ADAMTSL3: variants seen among roughly 807,000 people sequenced by gnomAD.
ADAMTSL3 encodes ADAMTS-like protein 3.
In ADAMTSL3, 128 loss-of-function variants were observed where a neutral mutation model predicts 201.7. That is an observed-to-expected ratio of 0.63 (90% confidence interval 0.55 to 0.73). The LOEUF is 0.73. Among genes scored for constraint, ADAMTSL3 ranks in the 30% least tolerant of loss-of-function variants. The pLI is 0.00. For missense variants in ADAMTSL3, 1,990 were observed against 2,119.6 expected, an observed-to-expected ratio of 0.94 and a Z score of 1.20; for synonymous variants, 738 against 748.4, an observed-to-expected ratio of 0.99 and a Z score of 0.23.
intron 3 of ADAMTSL3, among the ~76,000 whole-genome samples, chr15:83,771,213 G>C (rs2062978012): frequency 7.1e-6 from 1 of 141,024 alleles, no homozygotes. Context: ...GTTTATTGCT[G>C]TGCCAATTCT....
intron 23 of ADAMTSL3, among the ~76,000 whole-genome samples, chr15:84,011,604 A>G (rs901555822): frequency 1.3e-5 from 2 of 152,230 alleles, no homozygotes; most frequent in Non-Finnish European, 2.9e-5. Flanking sequence ...ACACTAATAC[A>G]ATAAGACAAG....
At chr15:83,978,556 C>T (rs881983) in intron 20 of ADAMTSL3, among the ~76,000 whole-genome samples, 25,162 of 152,142 alleles carry the variant, frequency 0.17, 2,723 homozygotes, top group Middle Eastern at 0.35. Flanking sequence ...AGGAAGGTCA[C>T]CCCAAACCAG....
rs186971181 is a variant in ADAMTSL3, at chr15:83,780,265, C to G, written c.317+6615C>G. 2.0e-3 allele frequency among the ~76,000 whole-genome samples: 297 copies of G among 152,076 alleles called. 1 individual carries two copies. The highest frequency in any genetic ancestry group is 6.9e-3 in the African/African-American group (285 of 41,478). ...TCTCTATTAAAAATACAAAAATTAG[C>G]TGGGCATGGTGGCGGGCACCTGTAA... On this transcript the variant is annotated intron_variant, in intron 4 of 29. Coordinates refer to ENST00000286744, the MANE Select transcript of ADAMTSL3 (RefSeq NM_207517.3).
chr15:84,027,033 A>C (rs12905265), intron 27 of ADAMTSL3, among the ~76,000 whole-genome samples: 126,918 of 152,220 alleles, frequency 0.83, 53,258 homozygotes, highest in East Asian at 0.96. Flanking sequence ...CAAAAAGGAG[A>C]TTATCTCTAA....
chr15:84,014,983 G>A (rs563032181), intron 24 of ADAMTSL3, among the ~76,000 whole-genome samples: 13 of 151,388 alleles, frequency 8.6e-5, no homozygotes, highest in African/African-American at 1.9e-4. Context: ...GTCTTGCTCC[G>A]TCACCAGGCT....
chr15:83,806,487 A>G (rs912654502), intron 5 of ADAMTSL3, among the ~76,000 whole-genome samples: 5 of 152,242 alleles, frequency 3.3e-5, no homozygotes, highest in African/African-American at 1.2e-4. Context: ...CTTTAGGGAA[A>G]AGTCTTTCCT....
intron 26 of ADAMTSL3, among the ~76,000 whole-genome samples, 192 bp downstream of exon 26, chr15:84,021,785 G>C (rs183392154): frequency 6.6e-6 from 1 of 152,274 alleles, no homozygotes; most frequent in Admixed American, 6.5e-5. Flanking sequence ...CTGTTTCGTA[G>C]ATGGGGAAAC....
Position 83,904,177 on chromosome 15 carries a change from C to T in ADAMTSL3, c.1700+4446C>T, listed in dbSNP as rs532978386. On this transcript the variant is annotated intron_variant, in intron 15 of 29. Transcript: ENST00000286744. Reference sequence around the variant, plus strand: ...TGTTCCCTGGCCCAAGCAGCTGCCTCTTCCCACCTTCTGCCATCTCTCCCT... The same window carrying T: ...TGTTCCCTGGCCCAAGCAGCTGCCTTTTCCCACCTTCTGCCATCTCTCCCT... 1.8e-3 allele frequency among the ~76,000 whole-genome samples: 281 copies of T among 152,030 alleles called. 1 individual carries two copies. Among genetic ancestry groups the T allele is most frequent in the African/African-American group, 6.6e-3 (273 of 41,444 alleles).
intron 15 of ADAMTSL3, among the ~76,000 whole-genome samples, chr15:83,903,930 A>AGG (rs1567226029): frequency 0.047 from 1,276 of 27,006 alleles, 231 homozygotes; most frequent in East Asian, 0.27. Context: ...AAAAAAAAAA[A>AGG]AAAAAAAAAA....
chr15:83,780,598 G>A (rs1317758999), intron 4 of ADAMTSL3, among the ~76,000 whole-genome samples: 1 of 152,028 alleles, frequency 6.6e-6, no homozygotes, highest in East Asian at 1.9e-4. Flanking sequence ...ACATAGTGCT[G>A]GAAATTTTGG....
chr15:84,035,048 A>G (rs528076774), intron 28 of ADAMTSL3, among the ~76,000 whole-genome samples: 68 of 151,944 alleles, frequency 4.5e-4, no homozygotes, highest in Non-Finnish European at 9.0e-4. Flanking sequence ...CTTTTTATTT[A>G]TTATGATTTT....
intron 6 of ADAMTSL3, 58 bp from the exon 7 acceptor site, chr15:83,838,031 A>G: frequency 1.1e-5 from 18 of 1,567,754 alleles, no homozygotes; most frequent in Non-Finnish European, 1.5e-5. Context: ...CCTGAAATGA[A>G]GAGAGCTCCC....
At chr15:83,724,981 A>G (rs1363790489) in intron 3 of ADAMTSL3, among the ~76,000 whole-genome samples, 2 of 151,870 alleles carry the variant, frequency 1.3e-5, no homozygotes, top group Non-Finnish European at 2.9e-5. Context: ...GTTGCTTCCA[A>G]TTCTTAGCAA....
chr15:83,741,732 C>A (rs1365765153), intron 3 of ADAMTSL3, among the ~76,000 whole-genome samples: 1 of 152,172 alleles, frequency 6.6e-6, no homozygotes, highest in Admixed American at 6.5e-5. Flanking sequence ...TATGGTGGCT[C>A]ATCCCTGTAA....
At chr15:83,687,776 A>G (rs1021745742) in intron 2 of ADAMTSL3, among the ~76,000 whole-genome samples, 2 of 152,204 alleles carry the variant, frequency 1.3e-5, no homozygotes, top group African/African-American at 4.8e-5. Context: ...AACAGGCCAT[A>G]TATCCAGAAC....
At chr15:83,769,066 G>A (rs1192890658) in intron 3 of ADAMTSL3, among the ~76,000 whole-genome samples, 1 of 151,632 alleles carries the variant, frequency 6.6e-6, no homozygotes, top group Non-Finnish European at 1.5e-5. Flanking sequence ...CTTATAACAT[G>A]CCTATTTTAG....
At chr15:83,801,645 A>AT (rs2063517183) in intron 4 of ADAMTSL3, among the ~76,000 whole-genome samples, 3 of 43,900 alleles carry the variant, frequency 6.8e-5, no homozygotes, top group Non-Finnish European at 9.5e-5. Flanking sequence ...TAAATATATA[A>AT]ATATAAATAT....
At chr15:83,925,884 C>A (rs2141994770) in intron 17 of ADAMTSL3, among the ~76,000 whole-genome samples, 1 of 152,256 alleles carries the variant, frequency 6.6e-6, no homozygotes, top group East Asian at 1.9e-4. Flanking sequence ...CAGATGACCA[C>A]CTTCCTGTAC....
chr15:83,880,358 C>T (rs1008654131), intron 9 of ADAMTSL3, among the ~76,000 whole-genome samples: 13 of 152,140 alleles, frequency 8.5e-5, no homozygotes, highest in South Asian at 2.1e-4. Flanking sequence ...CAGCAGATTA[C>T]GACCAGCAGG....
Sources: gnomAD v4.1 joint callset for allele counts (sites outside exome capture counted in the v4.1 genomes callset) on GRCh38, gnomAD v4.1.1 for gene constraint, MANE v1.5 for transcripts, NCBI Gene and HGNC (gene_info 2026-07-23, HGNC 2026-07-21) for gene names.